ELF1: variants seen among roughly 807,000 people sequenced by gnomAD.
ELF1 encodes E74 like ETS transcription factor 1.
In ELF1, 24 loss-of-function variants were observed where a neutral mutation model predicts 59.9. The observed-to-expected ratio is 0.40, with a 90% CI of 0.29 to 0.56. The LOEUF is 0.56. ELF1 is among the 20% of genes least tolerant of loss of function. The pLI is 0.44. For synonymous variants in ELF1, 248 were observed against 266.2 expected, an observed-to-expected ratio of 0.93 and a Z score of 0.67; for missense variants, 627 against 742.2, an observed-to-expected ratio of 0.84 and a Z score of 1.80.
chr13:41,003,563 G>A (rs1290588343), intron 1 of ELF1, among the ~76,000 whole-genome samples: 1 of 152,134 alleles, frequency 6.6e-6, no homozygotes, highest in Non-Finnish European at 1.5e-5. Flanking sequence ...TTATTGCTCT[G>A]TTGACAAGAC....
At chr13:41,042,309 T>C (rs576500679) in intron 1 of ELF1, among the ~76,000 whole-genome samples, 40 of 151,972 alleles carry the variant, frequency 2.6e-4, no homozygotes, top group African/African-American at 9.4e-4. Context: ...TTTTTCTTTT[T>C]TTTTTTATTA....
chr13:41,045,999 T>G (rs1042715936), intron 1 of ELF1, among the ~76,000 whole-genome samples: 1 of 152,206 alleles, frequency 6.6e-6, no homozygotes, highest in African/African-American at 2.4e-5. Flanking sequence ...TTAGGATAGT[T>G]AGCTCTTCTT....
At chr13:40,936,239 C>T (rs1473705013) in intron 8 of ELF1, among the ~76,000 whole-genome samples, 3 of 152,142 alleles carry the variant, frequency 2.0e-5, no homozygotes, top group African/African-American at 7.2e-5. Context: ...ACTGCCGCCA[C>T]TTAAGTCCTG....
chr13:41,008,634 G>A (rs1358891510), intron 1 of ELF1, among the ~76,000 whole-genome samples: 1 of 151,618 alleles, frequency 6.6e-6, no homozygotes, highest in Non-Finnish European at 1.5e-5. Flanking sequence ...ATGTTACAGG[G>A]GACAAAAAGT....
At chr13:41,014,259 T>C (rs1016041140) in intron 1 of ELF1, among the ~76,000 whole-genome samples, 2 of 152,190 alleles carry the variant, frequency 1.3e-5, no homozygotes, top group Non-Finnish European at 2.9e-5. Context: ...ATATATCACT[T>C]TGATAGCTTT....
At chr13:40,966,243 A>G (rs1409972587) in intron 2 of ELF1, among the ~76,000 whole-genome samples, 1 of 152,270 alleles carries the variant, frequency 6.6e-6, no homozygotes, top group Non-Finnish European at 1.5e-5. Context: ...TTCAATATCT[A>G]GAAGCAAATT....
At chr13:40,977,916 T>C (rs1396509721) in intron 2 of ELF1, among the ~76,000 whole-genome samples, 2 of 152,224 alleles carry the variant, frequency 1.3e-5, no homozygotes, top group Non-Finnish European at 2.9e-5. Context: ...AATTTAGTAT[T>C]AACAAAGGTG....
chr13:40,950,422 T>C (rs1362792687), intron 4 of ELF1, among the ~76,000 whole-genome samples: 1 of 152,190 alleles, frequency 6.6e-6, no homozygotes, highest in African/African-American at 2.4e-5. Flanking sequence ...CTTTCCAATC[T>C]CATTTCCCAC....
At chr13:40,976,096 T>C (rs1304811052) in intron 2 of ELF1, among the ~76,000 whole-genome samples, 3 of 152,226 alleles carry the variant, frequency 2.0e-5, no homozygotes, top group Non-Finnish European at 4.4e-5. Context: ...TATGCTTTGT[T>C]CTAAAATCTT....
At position 40,949,986 on chromosome 13, in the gene ELF1, A is replaced by G; in HGVS notation, c.362-13T>C. ...AATATATTATTATCTAATGAAAATA[A>G]AATCAACTAATTATAGTCCACTGTG... On this transcript the variant is annotated splice_polypyrimidine_tract_variant and intron_variant, in intron 4 of 8. Coordinates refer to ENST00000239882, the MANE Select transcript of ELF1 (RefSeq NM_172373.4). The G allele has an allele frequency of 1.9e-6, 3 of 1,589,832 alleles. No individual in the cohort carries two copies. The highest frequency in any genetic ancestry group is 2.6e-6 in the Non-Finnish European group (3 of 1,168,216).
intron 8 of ELF1, among the ~76,000 whole-genome samples, chr13:40,938,523 G>C (rs1566164399): frequency 6.6e-6 from 1 of 152,194 alleles, no homozygotes; most frequent in South Asian, 2.1e-4. Context: ...TAAACAGCTA[G>C]CATTAAAATA....
intron 8 of ELF1, among the ~76,000 whole-genome samples, chr13:40,934,952 A>G (rs1362028649): frequency 3.3e-5 from 5 of 152,230 alleles, no homozygotes; most frequent in African/African-American, 1.2e-4. Context: ...TTAACCTGTC[A>G]GGGCTCTTGG....
intron 1 of ELF1, among the ~76,000 whole-genome samples, chr13:41,060,359 G>A (rs982648727): frequency 1.3e-5 from 2 of 152,242 alleles, no homozygotes; most frequent in East Asian, 1.9e-4. Context: ...GGCTGAAGAG[G>A]GTGTGGGCCG....
chr13:41,013,369 T>A (rs190537118), intron 1 of ELF1, among the ~76,000 whole-genome samples: 1 of 152,230 alleles, frequency 6.6e-6, no homozygotes, highest in African/African-American at 2.4e-5. Flanking sequence ...CAAGAGAGAA[T>A]AAATACATTC....
Position 40,998,279 on chromosome 13 carries a change from T to C in ELF1, c.-228-15997A>G, listed in dbSNP as rs974393848. Reference sequence around the variant, plus strand: ...ATTCTGGTGAACAATGAAGCAGATATACAACAGTAGTCCCCATGTTTTTAC... The same window carrying C: ...ATTCTGGTGAACAATGAAGCAGATACACAACAGTAGTCCCCATGTTTTTAC... On this transcript the variant is annotated intron_variant, in intron 1 of 8. Coordinates refer to ENST00000239882, the MANE Select transcript of ELF1 (RefSeq NM_172373.4). 2.0e-5 allele frequency among the ~76,000 whole-genome samples: 3 copies of C among 152,244 alleles called. 1 individual carries two copies. Among genetic ancestry groups the C allele is most frequent in the Non-Finnish European group, 2.9e-5 (2 of 68,038 alleles).
chr13:40,982,162 G>T lies in ELF1; in HGVS notation c.-108C>A, dbSNP rs1384987984. On this transcript the variant is annotated 5_prime_UTR_variant, in exon 2 of 9. Coordinates refer to ENST00000239882, the MANE Select transcript of ELF1 (RefSeq NM_172373.4). ...GGGTAAAAAACCCTCAGCTCTGTCT[G>T]TGGAGTAATTGTATACCCAAGTTTT... is the stretch of plus-strand genomic sequence containing the variant. 1 of 1,447,186 alleles carries T rather than the reference G, an allele frequency of 6.9e-7. No individual in the cohort carries two copies. Among genetic ancestry groups the T allele is most frequent in the Non-Finnish European group, 9.1e-7 (1 of 1,097,504 alleles). 89.6% of individuals were successfully genotyped at this position (1,447,186 alleles called of 1,614,324 possible). A position where few individuals can be genotyped will look rare whatever the true frequency, so the allele number is the denominator to read the frequency against.
intron 1 of ELF1, among the ~76,000 whole-genome samples, chr13:41,054,140 T>A (rs555987291): frequency 2.0e-4 from 31 of 152,250 alleles, no homozygotes; most frequent in African/African-American, 7.2e-4. Context: ...AACCAACCCT[T>A]CCATATGAAA....
intron 1 of ELF1, among the ~76,000 whole-genome samples, chr13:40,998,358 T>C (rs182037136): frequency 1.2e-4 from 18 of 152,334 alleles, no homozygotes; most frequent in African/African-American, 4.3e-4. Context: ...TGTGTTAAAA[T>C]TACCTATACT....
At chr13:40,995,618 G>C (rs1241083585) in intron 1 of ELF1, among the ~76,000 whole-genome samples, 1 of 149,328 alleles carries the variant, frequency 6.7e-6, no homozygotes, top group Admixed American at 6.7e-5. Flanking sequence ...ATAAAGAAAA[G>C]AGTTTTTTCA....
Sources: allele counts gnomAD v4.1 joint callset (sites outside exome capture counted in the v4.1 genomes callset), GRCh38; gene constraint gnomAD v4.1.1; transcripts MANE v1.5; gene names NCBI Gene and HGNC (gene_info 2026-07-23, HGNC 2026-07-21).